Variants in DAB1 observed in about 807,000 individuals in gnomAD.
DAB1 encodes the protein disabled homolog 1.
In DAB1, 15 loss-of-function variants were observed where a neutral mutation model predicts 64.6. That is an observed-to-expected ratio of 0.23 (90% CI 0.16 to 0.36). DAB1 has a LOEUF of 0.36. DAB1 is among the 10% of genes least tolerant of loss of function. The pLI, the probability that DAB1 is intolerant of heterozygous loss-of-function variation, is 1.00. For missense variants in DAB1, 596 were observed against 706.7 expected, an observed-to-expected ratio of 0.84 and a Z score of 1.78; for synonymous variants, 235 against 251.9, an observed-to-expected ratio of 0.93 and a Z score of 0.64.
chr1:57,424,184 C>T (rs1296467004), upstream of DAB1: 2 of 149,644 alleles, frequency 1.3e-5, no homozygotes, highest in Non-Finnish European at 3.0e-5. Context: ...CGCCCCGCGG[C>T]ACCGCTCACC....
chr1:57,275,368 A>G (rs1049037743), intron 2 of DAB1, among the ~76,000 whole-genome samples: 4 of 152,260 alleles, frequency 2.6e-5, no homozygotes, highest in Admixed American at 2.0e-4. Context: ...AGAGGGCGGC[A>G]GTAGAATTCT....
rs528925999 is a variant in DAB1 at position 58,530,720 on chromosome 1, C to G, written n.33-3385G>C. On this transcript the variant is annotated intron_variant and non_coding_transcript_variant, in intron 1 of 20. Coordinates refer to the DAB1 transcript ENST00000485760. ...AAATCCAACAAATGAACCATGCCAG[C>G]CTTTTCTGCCTAAGAATAATCAAAA... 3.4e-6 allele frequency: 3 copies of G among 872,236 alleles called. No homozygotes were observed. In the African/African-American group the frequency reaches 4.9e-5, roughly 14 times the overall value. 54.0% of individuals were successfully genotyped at this position (872,236 alleles called of 1,614,324 possible).
At position 57,013,904 on chromosome 1, in the gene DAB1, G is replaced by A. The variant is rs544408395; in HGVS notation, c.1444+979C>T. The stretch of plus-strand genomic sequence containing the variant: ...GACTCACTGAAAGCTGGAACTAGAA[G>A]GATGCACACTGCTCATCCAAGCCAA... On this transcript the variant is annotated intron_variant, in intron 12 of 14. Transcript: ENST00000371236. Among the ~76,000 whole-genome samples the A allele has an allele frequency of 2.0e-3, 309 of 152,278 alleles. 2 individuals are homozygous for A. The highest frequency in any genetic ancestry group is 7.1e-3 in the African/African-American group (297 of 41,560).
intron 2 of DAB1, among the ~76,000 whole-genome samples, chr1:57,252,498 T>A (rs994082191): frequency 6.6e-6 from 1 of 152,318 alleles, no homozygotes; most frequent in East Asian, 1.9e-4. Flanking sequence ...TTAACACAGA[T>A]TAAATGTAAG....
intron 2 of DAB1, among the ~76,000 whole-genome samples, chr1:57,229,980 T>C (rs1667549429): frequency 6.6e-6 from 1 of 152,194 alleles, no homozygotes; most frequent in Non-Finnish European, 1.5e-5. Context: ...GTTCTCAGCT[T>C]CCTTATTTGG....
At chr1:57,978,490 G>A (rs1431262248) in intron 5 of DAB1, among the ~76,000 whole-genome samples, 1 of 152,068 alleles carries the variant, frequency 6.6e-6, no homozygotes, top group African/African-American at 2.4e-5. Flanking sequence ...CAATACCATT[G>A]AGGACACAGG....
At chr1:57,033,918 T>C (rs866006303) in intron 9 of DAB1, among the ~76,000 whole-genome samples, 2 of 152,218 alleles carry the variant, frequency 1.3e-5, no homozygotes, top group African/African-American at 2.4e-5. Flanking sequence ...GAATGTCATC[T>C]TGTGCTTTAG....
intron 7 of DAB1, among the ~76,000 whole-genome samples, chr1:57,487,049 A>G (rs901162208): frequency 6.6e-6 from 1 of 152,194 alleles, no homozygotes; most frequent in Non-Finnish European, 1.5e-5. Flanking sequence ...AACAGCTAGA[A>G]GGCTCCAAGC....
chr1:57,165,273 A>G (rs1273850106), intron 2 of DAB1, among the ~76,000 whole-genome samples: 1 of 152,142 alleles, frequency 6.6e-6, no homozygotes, highest in Non-Finnish European at 1.5e-5. Context: ...TCAGATAACA[A>G]AAGCATGAAA....
chr1:58,030,127 A>T (rs948768714), intron 5 of DAB1, among the ~76,000 whole-genome samples: 1 of 152,088 alleles, frequency 6.6e-6, no homozygotes, highest in African/African-American at 2.4e-5. Context: ...GAATTGCTTG[A>T]ACCTGGGAGG....
At chr1:58,399,648 A>G (rs1644553374) in intron 3 of DAB1, among the ~76,000 whole-genome samples, 1 of 152,258 alleles carries the variant, frequency 6.6e-6, no homozygotes, top group Non-Finnish European at 1.5e-5. Flanking sequence ...GAGGTGGTCA[A>G]GAACAATTGT....
intron 2 of DAB1, among the ~76,000 whole-genome samples, chr1:57,204,665 A>T (rs1665396014): frequency 6.6e-6 from 1 of 152,186 alleles, no homozygotes; most frequent in Non-Finnish European, 1.5e-5. Flanking sequence ...CCTTATATGT[A>T]TGGGGGAAAT....
intron 6 of DAB1, among the ~76,000 whole-genome samples, chr1:57,710,974 G>C (rs555935799): frequency 1.3e-5 from 2 of 152,252 alleles, no homozygotes; most frequent in African/African-American, 4.8e-5. Context: ...GACACTGGTT[G>C]TCAGAAATGC....
chr1:57,922,613 G>A (rs1205517603), intron 5 of DAB1, among the ~76,000 whole-genome samples: 4 of 151,864 alleles, frequency 2.6e-5, no homozygotes, highest in Non-Finnish European at 5.9e-5. Context: ...ATAACCCCTT[G>A]TGAAAGAATA....
chr1:57,107,143 G>C (rs1259531362), intron 4 of DAB1, among the ~76,000 whole-genome samples: 1 of 152,112 alleles, frequency 6.6e-6, no homozygotes, highest in Non-Finnish European at 1.5e-5. Context: ...GGGGGGCTGA[G>C]GCAGGTGGAT....
At chr1:58,287,134 C>T (rs1262254250) in intron 4 of DAB1, among the ~76,000 whole-genome samples, 1 of 152,052 alleles carries the variant, frequency 6.6e-6, no homozygotes, top group Admixed American at 6.6e-5. Flanking sequence ...TACATAGACA[C>T]AGGGAGGGAA....
chr1:58,213,867 A>T (rs1161862265), intron 4 of DAB1, among the ~76,000 whole-genome samples: 2 of 152,086 alleles, frequency 1.3e-5, no homozygotes, highest in Non-Finnish European at 2.9e-5. Context: ...ATGCCTGCCC[A>T]CTGGAATCCA....
intron 3 of DAB1, among the ~76,000 whole-genome samples, chr1:58,416,326 CT>C (rs1188123469): frequency 6.6e-6 from 1 of 152,130 alleles, no homozygotes; most frequent in Non-Finnish European, 1.5e-5. Context: ...TATTTAATAC[CT>C]TTGAACCTAC....
chr1:58,253,868 C>T (rs1411934034), intron 4 of DAB1, among the ~76,000 whole-genome samples: 1 of 152,196 alleles, frequency 6.6e-6, no homozygotes, highest in Non-Finnish European at 1.5e-5. Context: ...GATACTAGGA[C>T]CTGAGCTTCT....
Sources: gnomAD v4.1 joint callset for allele counts (sites outside exome capture counted in the v4.1 genomes callset) on GRCh38, gnomAD v4.1.1 for gene constraint, MANE v1.5 for transcripts, NCBI Gene and HGNC (gene_info 2026-07-23, HGNC 2026-07-21) for gene names.